Variants in DROSHA observed in about 807,000 individuals in gnomAD.
DROSHA encodes ribonuclease 3.
Under a neutral mutation model 181.9 loss-of-function variants are expected in DROSHA, and 56 were observed. That is an observed-to-expected ratio of 0.31 (90% CI 0.25 to 0.38). The LOEUF (loss-of-function observed/expected upper bound fraction) is 0.38. Among genes scored for constraint, DROSHA ranks in the 10% least tolerant of loss-of-function variants. DROSHA has a pLI of 1.00. For synonymous variants in DROSHA, 524 were observed against 591.2 expected (o/e 0.89, Z 1.65); for missense variants, 1,218 against 1,743.5 (o/e 0.70, Z 5.37).
intron 1 of DROSHA, among the ~76,000 whole-genome samples, 182 bp from the exon 2 acceptor site, chr5:31,531,707 A>T (rs889018667): frequency 2.6e-5 from 4 of 152,208 alleles, no homozygotes; most frequent in Non-Finnish European, 5.9e-5. Context: ...CCCACGAGGC[A>T]GGCGCTGAGC....
chr5:31,410,241 A>T (rs1403553086), intron 31 of DROSHA, among the ~76,000 whole-genome samples: 2 of 152,250 alleles, frequency 1.3e-5, no homozygotes, highest in Non-Finnish European at 2.9e-5. Flanking sequence ...CTATGTGTAT[A>T]ATCCTTTCGT....
intron 15 of DROSHA, among the ~76,000 whole-genome samples, chr5:31,484,437 T>G (rs1382400582): frequency 1.4e-5 from 2 of 144,710 alleles, no homozygotes; most frequent in Non-Finnish European, 3.0e-5. Context: ...AAAAGTAAGC[T>G]ACTATCCAAG....
At chr5:31,408,949 G>T in intron 33 of DROSHA, 107 bp downstream of exon 33, 1 of 1,017,332 alleles carries the variant, frequency 9.8e-7, no homozygotes, top group Non-Finnish European at 1.4e-6. Context: ...CTCAATCCTG[G>T]GCTCCTGTCA....
At chr5:31,423,112 A>C in intron 28 of DROSHA, 168 bp from the exon 29 acceptor site, 2 of 608,594 alleles carry the variant, frequency 3.3e-6, no homozygotes, top group South Asian at 2.4e-5. Context: ...ATGGCAAACA[A>C]ATCTAATATT....
At chr5:31,473,988 T>C (rs1323574535) in intron 16 of DROSHA, among the ~76,000 whole-genome samples, 2 of 152,186 alleles carry the variant, frequency 1.3e-5, no homozygotes, top group African/African-American at 4.8e-5. Flanking sequence ...AGTGGTCCCA[T>C]GTCAGTATCA....
At chr5:31,460,302 G>A (rs746662395) in intron 20 of DROSHA, among the ~76,000 whole-genome samples, 6 of 152,126 alleles carry the variant, frequency 3.9e-5, no homozygotes, top group South Asian at 4.2e-4. Context: ...GTCCACATTC[G>A]GTTCACATAT....
intron 16 of DROSHA, among the ~76,000 whole-genome samples, chr5:31,475,588 A>G (rs1750271060): frequency 6.6e-6 from 1 of 152,230 alleles, no homozygotes; most frequent in Admixed American, 6.5e-5. Context: ...GAACCTTGGA[A>G]AGAACTGCCA....
chr5:31,510,868 T>C (rs1469255656), intron 9 of DROSHA, among the ~76,000 whole-genome samples, 167 bp downstream of exon 9: 1 of 152,008 alleles, frequency 6.6e-6, no homozygotes. Flanking sequence ...AAAAATACGA[T>C]CAAAAAGAAG....
chr5:31,491,714 A>T (rs1279089968), intron 13 of DROSHA, among the ~76,000 whole-genome samples: 1 of 149,010 alleles, frequency 6.7e-6, no homozygotes, highest in Non-Finnish European at 1.5e-5. Context: ...AAAAAATGCA[A>T]AGAAATCATG....
At chr5:31,447,697 T>G (rs1355445299) in intron 23 of DROSHA, among the ~76,000 whole-genome samples, 1 of 152,202 alleles carries the variant, frequency 6.6e-6, no homozygotes, top group African/African-American at 2.4e-5. Flanking sequence ...AGGATCTGAA[T>G]AGATATTTCT....
intron 11 of DROSHA, among the ~76,000 whole-genome samples, chr5:31,497,080 C>T (rs78078235): frequency 6.6e-6 from 1 of 152,144 alleles, no homozygotes; most frequent in Non-Finnish European, 1.5e-5. Flanking sequence ...AGCTTGAAGG[C>T]CTACGGATCA....
chr5:31,517,846 C>A (rs1157931706), intron 6 of DROSHA, among the ~76,000 whole-genome samples: 1 of 152,100 alleles, frequency 6.6e-6, no homozygotes, highest in Non-Finnish European at 1.5e-5. Flanking sequence ...AGGAGGATCA[C>A]TTGAGGCCAG....
chr5:31,464,132 T>C (rs1748747617), intron 20 of DROSHA, 104 bp downstream of exon 20: 1 of 919,204 alleles, frequency 1.1e-6, no homozygotes. Context: ...AGTCTCAAGG[T>C]AGTATTTTCT....
At chr5:31,484,407 A>G (rs1313529829) in intron 15 of DROSHA, among the ~76,000 whole-genome samples, 1 of 145,838 alleles carries the variant, frequency 6.9e-6, no homozygotes, top group Non-Finnish European at 1.5e-5. Flanking sequence ...AAAAAAAAAA[A>G]AGAATACGGA....
intron 14 of DROSHA, among the ~76,000 whole-genome samples, chr5:31,485,204 T>C (rs1190086481): frequency 1.3e-5 from 2 of 152,110 alleles, no homozygotes; most frequent in Non-Finnish European, 2.9e-5. Context: ...AAATAAGAAA[T>C]TCAAAAAGTA....
Position 31,435,823 on chromosome 5 carries a change from C to A in DROSHA, c.2984G>T (p.Gly995Val). 2.5e-6 allele frequency: 4 copies of A among 1,613,760 alleles called. No individual in the cohort carries two copies. Among genetic ancestry groups the A allele is most frequent in the Non-Finnish European group, 2.5e-6 (3 of 1,179,824 alleles). The change falls in exon 25 of 36, where the codon GGA becomes GTA. Residue 995 changes from glycine (G) to valine (V), a missense_variant. By Grantham distance (109) the Gly-to-Val change is moderately radical. This residue lies in a region of DROSHA where 460 missense variants were observed against 774.2 expected (regional missense o/e 0.59). Transcript: ENST00000344624. ...AATGGCAGTCCGATAGGTTGCTAATCCTCCTTCTTCCAGACTAGGAAACAA... is the reference window on the plus strand; with the variant it reads ...AATGGCAGTCCGATAGGTTGCTAATACTCCTTCTTCCAGACTAGGAAACAA... ...YYLFPSLEEGGLATYRTAIVQ... is the reference protein window; with the variant it reads ...YYLFPSLEEGVLATYRTAIVQ...
At chr5:31,429,629 G>A (rs571763453) in intron 26 of DROSHA, 84 bp from the exon 27 acceptor site, 25 of 1,163,588 alleles carry the variant, frequency 2.1e-5, no homozygotes, top group East Asian at 5.0e-5. Flanking sequence ...AAGCAAAAAC[G>A]CAAGCCAAAA....
At chr5:31,471,907 T>A (rs984954551) in intron 17 of DROSHA, among the ~76,000 whole-genome samples, 156 bp downstream of exon 17, 2 of 152,226 alleles carry the variant, frequency 1.3e-5, no homozygotes, top group Non-Finnish European at 2.9e-5. Context: ...ATTGTAATAT[T>A]TTCTTATTTA....
At chr5:31,460,301 C>T (rs918087504) in intron 20 of DROSHA, among the ~76,000 whole-genome samples, 7 of 152,170 alleles carry the variant, frequency 4.6e-5, no homozygotes, top group East Asian at 3.8e-4. Context: ...GGTCCACATT[C>T]GGTTCACATA....
Sources: allele counts gnomAD v4.1 joint callset (sites outside exome capture counted in the v4.1 genomes callset), GRCh38; gene constraint gnomAD v4.1.1; regional missense constraint gnomAD v4.1.1; transcripts MANE v1.5; gene names NCBI Gene and HGNC (gene_info 2026-07-23, HGNC 2026-07-21).